The following TRAP1 variants were observed in gnomAD, a reference collection of about 807,000 sequenced individuals.
TRAP1 encodes TNF receptor associated protein 1.
A neutral mutation model predicts 89.1 loss-of-function variants in TRAP1; 102 were observed. The ratio of observed to expected loss-of-function variants is 1.15; its 90% CI spans 0.98 to 1.35. TRAP1 has a LOEUF of 1.35. TRAP1 is among the 40% of genes most tolerant of loss of function. The probability of loss-of-function intolerance (pLI) is 0.00; values close to 1 mark genes in which losing one functional copy is unlikely to be tolerated. For missense variants in TRAP1, 1,256 were observed against 945.3 expected (o/e 1.33, Z -4.31); for synonymous variants, 508 against 388.0 (o/e 1.31, Z -3.64).
chr16:3,658,297 GAC>G (rs2042841543), intron 17 of TRAP1, 67 bp from the exon 18 acceptor site: 8 of 1,249,902 alleles, frequency 6.4e-6, no homozygotes, highest in African/African-American at 1.5e-5. Context: ...TTTTTTTTGA[GAC>G]AGAGTCTCAC....
At chr16:3,669,351 C>T (rs564138784) in intron 11 of TRAP1, among the ~76,000 whole-genome samples, 1 of 152,326 alleles carries the variant, frequency 6.6e-6, no homozygotes, top group South Asian at 2.1e-4. Context: ...GTCATGTCGG[C>T]AGCAAGTCGG....
intron 1 of TRAP1, among the ~76,000 whole-genome samples, chr16:3,693,191 C>T (rs2051240028): frequency 6.7e-6 from 1 of 150,074 alleles, no homozygotes; most frequent in South Asian, 2.1e-4. Context: ...TCAGGTGATC[C>T]ACCCACCTAG....
chr16:3,709,008 G>C (rs1258686015), intron 1 of TRAP1, among the ~76,000 whole-genome samples: 1 of 151,652 alleles, frequency 6.6e-6, no homozygotes, highest in Non-Finnish European at 1.5e-5. Flanking sequence ...GTAGAGATGG[G>C]GTTTCACCGT....
chr16:3,687,056 C>G (rs1270730965), intron 3 of TRAP1: 1 of 152,172 alleles, frequency 6.6e-6, no homozygotes, highest in East Asian at 1.9e-4. Context: ...ACATCCATTT[C>G]TCCTTGATAT....
intron 4 of TRAP1, among the ~76,000 whole-genome samples, chr16:3,681,947 TTTTA>T (rs1207002370): frequency 6.6e-6 from 1 of 152,210 alleles, no homozygotes; most frequent in Non-Finnish European, 1.5e-5. Context: ...AAATACCTAA[TTTTA>T]AGACTTCCTA....
At position 3,686,205 on chromosome 16, in the gene TRAP1, T is replaced by A; in HGVS notation, c.331-69A>T. On this transcript the variant is annotated intron_variant, in intron 3 of 17. Coordinates refer to ENST00000246957, the MANE Select transcript of TRAP1 (RefSeq NM_016292.3). ...ATCCTGCAGGATCTATCTGGTCAGC[T>A]GCACTTCCAATAACTGTTAAAAGGT... is the stretch of plus-strand genomic sequence containing the variant. 5 of 1,542,012 alleles carry A rather than the reference T, an allele frequency of 3.2e-6. No homozygotes were observed. The South Asian group carries it at 5.8e-5, about 18-fold the overall frequency.
At chr16:3,710,519 A>T (rs1209945219) in intron 1 of TRAP1, 1 of 152,188 alleles carries the variant, frequency 6.6e-6, no homozygotes, top group Non-Finnish European at 1.5e-5. Flanking sequence ...CATCCAAGAG[A>T]GGTTCAGTCA....
intron 15 of TRAP1, 83 bp from the exon 16 acceptor site, chr16:3,662,215 C>T (rs945220461): frequency 2.4e-5 from 36 of 1,520,636 alleles, no homozygotes; most frequent in Middle Eastern, 2.3e-4. Flanking sequence ...GTGAAGGTCA[C>T]CCAGACCACG....
At chr16:3,709,719 C>G (rs915276251) in intron 1 of TRAP1, among the ~76,000 whole-genome samples, 1 of 152,112 alleles carries the variant, frequency 6.6e-6, no homozygotes, top group African/African-American at 2.4e-5. Flanking sequence ...GGCGCCATCT[C>G]GGCACACCAC....
chr16:3,697,083 C>A (rs2051297948), intron 1 of TRAP1, among the ~76,000 whole-genome samples: 1 of 152,142 alleles, frequency 6.6e-6, no homozygotes, highest in Admixed American at 6.6e-5. Context: ...CACAGAGATC[C>A]TATCAGTTTA....
At chr16:3,682,268 G>C (rs990908696) in intron 4 of TRAP1, among the ~76,000 whole-genome samples, 18 of 151,776 alleles carry the variant, frequency 1.2e-4, no homozygotes, top group African/African-American at 4.1e-4. Flanking sequence ...AGAAAACATA[G>C]GGCTGGACAC....
intron 6 of TRAP1, chr16:3,676,567 G>C (rs552426658): frequency 2.6e-5 from 4 of 156,618 alleles, no homozygotes; most frequent in East Asian, 1.9e-4. Flanking sequence ...AAGCACAGGA[G>C]GGGGGAATCC....
At chr16:3,694,850 C>T (rs1362868475) in intron 1 of TRAP1, among the ~76,000 whole-genome samples, 1 of 152,140 alleles carries the variant, frequency 6.6e-6, no homozygotes, top group Non-Finnish European at 1.5e-5. Flanking sequence ...CGGTAGCTTA[C>T]AGTAACAGAC....
intron 1 of TRAP1, among the ~76,000 whole-genome samples, chr16:3,711,744 C>G (rs74702574): frequency 0.028 from 4,192 of 152,162 alleles, 173 homozygotes; most frequent in African/African-American, 0.095. Flanking sequence ...CCAGCCACAC[C>G]ACAAATAAAC....
chr16:3,663,701 C>T, intron 13 of TRAP1, 139 bp from the exon 14 acceptor site: 1 of 1,056,264 alleles, frequency 9.5e-7, no homozygotes, highest in Non-Finnish European at 1.3e-6. Flanking sequence ...GTTCCTAGGC[C>T]TGCATGACAG....
intron 16 of TRAP1, 147 bp from the exon 17 acceptor site, chr16:3,659,012 GATA>G (rs766152190): frequency 7.6e-5 from 58 of 763,928 alleles, no homozygotes; most frequent in Non-Finnish European, 1.1e-4. Context: ...ATCATTTATA[GATA>G]ATATCATTAT....
rs373249430 is a variant in TRAP1 at position 3,702,935 on chromosome 16, G to C, written c.89-11950C>G. Reference sequence around the variant, plus strand: ...TGGATGCCTGTAATCCCAGCTACTTGGGAGGCCGAGGTAGGAGAATCGCTT... The same window carrying C: ...TGGATGCCTGTAATCCCAGCTACTTCGGAGGCCGAGGTAGGAGAATCGCTT... On this transcript the variant is annotated intron_variant, in intron 1 of 17. Coordinates refer to ENST00000246957, the MANE Select transcript of TRAP1 (RefSeq NM_016292.3). Among the ~76,000 whole-genome samples the C allele has an allele frequency of 3.3e-5, 5 of 150,838 alleles. No homozygotes were observed. The South Asian group carries it at 8.4e-4, about 25-fold the overall frequency.
At chr16:3,697,324 C>T (rs868150056) in intron 1 of TRAP1, among the ~76,000 whole-genome samples, 2 of 152,034 alleles carry the variant, frequency 1.3e-5, no homozygotes, top group African/African-American at 2.4e-5. Flanking sequence ...TTTTCTACTA[C>T]ATTTTAAATC....
In TRAP1 at chr16:3,663,230, A is replaced by G; in HGVS notation, c.1708+194T>C. Reference sequence around the variant, plus strand: ...CTCCAGAAGCCACCGTGGCAGGAGCACTGGACAGACCCCTGATATCTAAAC... The same window carrying G: ...CTCCAGAAGCCACCGTGGCAGGAGCGCTGGACAGACCCCTGATATCTAAAC... On this transcript the variant is annotated intron_variant, in intron 14 of 17. Coordinates refer to ENST00000246957, the MANE Select transcript of TRAP1 (RefSeq NM_016292.3). The G allele has an allele frequency of 4.1e-6, 3 of 734,960 alleles. No individual in the cohort carries two copies. In the South Asian group the frequency reaches 5.7e-5, roughly 14 times the overall value. 45.5% of individuals were successfully genotyped at this position (734,960 alleles called of 1,614,324 possible). A position where few individuals can be genotyped will look rare whatever the true frequency, so the allele number is the denominator to read the frequency against.
Sources: allele counts gnomAD v4.1 joint callset (sites outside exome capture counted in the v4.1 genomes callset), GRCh38; gene constraint gnomAD v4.1.1; transcripts MANE v1.5; gene names NCBI Gene and HGNC (gene_info 2026-07-23, HGNC 2026-07-21).